The following ABCB4 variants were observed in gnomAD, a reference collection of about 807,000 sequenced individuals.
The protein encoded by ABCB4 is phosphatidylcholine translocator ABCB4.
ABCB4 carries 76 observed loss-of-function variants against 145.7 expected under a neutral mutation model. The ratio of observed to expected loss-of-function variants is 0.52; its 90% CI spans 0.43 to 0.63. The LOEUF (loss-of-function observed/expected upper bound fraction) is 0.63, where lower values mean the gene tolerates loss of function less well. ABCB4 is among the 30% of genes least tolerant of loss of function. The pLI, the probability that ABCB4 is intolerant of heterozygous loss-of-function variation, is 0.00. For synonymous variants in ABCB4, 517 were observed against 566.8 expected (o/e 0.91, Z 1.25); for missense variants, 1,234 against 1,553.1 (o/e 0.79, Z 3.45).
intron 3 of ABCB4, among the ~76,000 whole-genome samples, chr7:87,465,017 G>A (rs10452937): frequency 0.015 from 2,342 of 152,250 alleles, 62 homozygotes; most frequent in African/African-American, 0.053. Flanking sequence ...GCGGCTTGTC[G>A]GACAGTGGGT....
chr7:87,455,544 C>A (rs1346416940), intron 4 of ABCB4, among the ~76,000 whole-genome samples: 1 of 152,124 alleles, frequency 6.6e-6, no homozygotes. Flanking sequence ...GAAAGTCAGC[C>A]CAGGCAATTT....
chr7:87,460,252 G>A (rs771935465), intron 4 of ABCB4, among the ~76,000 whole-genome samples: 3 of 152,126 alleles, frequency 2.0e-5, no homozygotes, highest in Non-Finnish European at 4.4e-5. Flanking sequence ...GATGTGGCCT[G>A]GGAGTCTGCA....
downstream of ABCB4, among the ~76,000 whole-genome samples, chr7:87,398,103 CT>C (rs5885580): frequency 0.077 from 11,137 of 145,060 alleles, 448 homozygotes; most frequent in South Asian, 0.16. Context: ...CCTTCTCTGC[CT>C]TTTTTTTTTT....
intron 3 of ABCB4, 132 bp downstream of exon 3, chr7:87,472,489 G>C: frequency 1.3e-6 from 1 of 788,160 alleles, no homozygotes; most frequent in Non-Finnish European, 2.1e-6. Context: ...CTCCCAAAGT[G>C]CTGGGATTAC....
intron 4 of ABCB4, among the ~76,000 whole-genome samples, chr7:87,456,179 T>C (rs1812088495): frequency 1.3e-5 from 2 of 152,192 alleles, no homozygotes; most frequent in Non-Finnish European, 2.9e-5. Context: ...ATCATTGTGG[T>C]TTTTTTATTT....
intron 8 of ABCB4, among the ~76,000 whole-genome samples, chr7:87,448,267 A>G (rs1811477299): frequency 6.6e-6 from 1 of 151,806 alleles, no homozygotes; most frequent in African/African-American, 2.4e-5. Flanking sequence ...AAACTAGGAT[A>G]TTTTTCTTTG....
intron 25 of ABCB4, 43 bp from the exon 26 acceptor site, chr7:87,406,537 G>C (rs752307324): frequency 6.3e-7 from 1 of 1,592,122 alleles, no homozygotes; most frequent in Non-Finnish European, 8.6e-7. Context: ...GTATAAAAAA[G>C]AAAAAAAAAC....
the ABCB4 span, among the ~76,000 whole-genome samples, chr7:87,368,266 C>T: frequency 6.6e-6 from 1 of 152,152 alleles, no homozygotes; most frequent in Non-Finnish European, 1.5e-5. Context: ...GAGGTAGCAC[C>T]CTTCTGCCAC....
rs1813505701 is a variant in ABCB4 at position 87,472,656 on chromosome 7, T to C, written c.100A>G (p.Thr34Ala). Residue 34 changes from threonine (T) to alanine (A), a missense_variant, in exon 3 of 28, where the codon ACG becomes GCG. Thr to Ala is a moderately conservative substitution (Grantham distance 58). Coordinates refer to ENST00000649586, the MANE Select transcript of ABCB4 (RefSeq NM_000443.4). ...GISSKQKRKK[T>A]KTVKMIGVLT... is the part of the protein sequence containing the mutation. ...ACTCCAATCATTTTCACTGTCTTCGTTTTTTTCCTTTTTTGTTTGCTGTAA... is the reference window on the plus strand; with the variant it reads ...ACTCCAATCATTTTCACTGTCTTCGCTTTTTTCCTTTTTTGTTTGCTGTAA... 1 of 1,606,508 alleles carries C rather than the reference T, an allele frequency of 6.2e-7. No homozygotes were observed. Among genetic ancestry groups the C allele is most frequent in the East Asian group, 2.2e-5 (1 of 44,766 alleles).
chr7:87,401,986 G>A lies in ABCB4; in HGVS notation c.*110C>T. 1 of 1,428,826 alleles carries A rather than the reference G, an allele frequency of 7.0e-7. No individual in the cohort carries two copies. Among genetic ancestry groups the A allele is most frequent in the Non-Finnish European group, 9.7e-7 (1 of 1,036,082 alleles). 88.5% of individuals were successfully genotyped at this position (1,428,826 alleles called of 1,614,324 possible). On this transcript the variant is annotated 3_prime_UTR_variant, in exon 28 of 28. Transcript: ENST00000649586. ...TGGGTCTTCTAAATTGATCTAGAAT[G>A]AGACAGACATACCTATGTTTTATGA...
chr7:87,439,012 G>C (rs1419417044), intron 14 of ABCB4, among the ~76,000 whole-genome samples: 3 of 151,984 alleles, frequency 2.0e-5, no homozygotes, highest in Admixed American at 1.3e-4. Context: ...AATTTCTATG[G>C]TGTCATCTGA....
At chr7:87,471,534 C>T (rs182986929) in intron 3 of ABCB4, among the ~76,000 whole-genome samples, 1 of 152,190 alleles carries the variant, frequency 6.6e-6, no homozygotes, top group East Asian at 1.9e-4. Context: ...TGAATAGGGG[C>T]TTTTGGTTAC....
chr7:87,426,947 G>GTGTA (rs1554403500), intron 15 of ABCB4, 27 bp from the exon 16 acceptor site: 2 of 1,287,514 alleles, frequency 1.6e-6, no homozygotes, highest in Non-Finnish European at 2.1e-6. Flanking sequence ...ACATTAAAGT[G>GTGTA]TGTGTGTGTG....
intron 15 of ABCB4, among the ~76,000 whole-genome samples, chr7:87,430,219 T>C (rs1394064437): frequency 6.6e-6 from 1 of 152,108 alleles, no homozygotes; most frequent in East Asian, 1.9e-4. Context: ...TTTAGAAAAA[T>C]GACTAATTTC....
intron 22 of ABCB4, among the ~76,000 whole-genome samples, chr7:87,413,336 A>T (rs1446995357): frequency 6.6e-6 from 1 of 152,210 alleles, no homozygotes; most frequent in Admixed American, 6.5e-5. Context: ...CAGATAGGTT[A>T]TTTATGTTGC....
intron 19 of ABCB4, 126 bp downstream of exon 19, chr7:87,419,872 G>T: frequency 1.0e-6 from 1 of 986,310 alleles, no homozygotes. Context: ...GCAGGACTCT[G>T]CCCCATCCTT....
chr7:87,422,258 T>C, intron 17 of ABCB4, 33 bp from the exon 18 acceptor site: 1 of 1,488,106 alleles, frequency 6.7e-7, no homozygotes, highest in Non-Finnish European at 9.4e-7. Context: ...CCCACTTGGA[T>C]TACATAACTG....
intron 16 of ABCB4, among the ~76,000 whole-genome samples, chr7:87,425,906 T>A (rs1422711144): frequency 1.3e-5 from 2 of 151,960 alleles, no homozygotes; most frequent in African/African-American, 4.8e-5. Flanking sequence ...AATAAATAAA[T>A]AAAATTATTT....
chr7:87,372,023 A>C, the ABCB4 span, among the ~76,000 whole-genome samples: 2 of 151,558 alleles, frequency 1.3e-5, no homozygotes, highest in African/African-American at 2.4e-5. Flanking sequence ...AAAAAAAACA[A>C]AAAAAAGCTA....
Sources: allele counts gnomAD v4.1 joint callset (sites outside exome capture counted in the v4.1 genomes callset), GRCh38; gene constraint gnomAD v4.1.1; transcripts MANE v1.5; gene names NCBI Gene and HGNC (gene_info 2026-07-23, HGNC 2026-07-21).